Variants in BAZ2B observed in about 807,000 individuals in gnomAD.
BAZ2B encodes the protein bromodomain adjacent to zinc finger domain protein 2B.
Under a neutral mutation model 246.0 loss-of-function variants are expected in BAZ2B, and 91 were observed. The observed-to-expected ratio is 0.37, with a 90% CI of 0.31 to 0.44. The LOEUF is 0.44. Ranked by LOEUF, BAZ2B falls within the 20% of genes least tolerant of loss-of-function variation. The probability of loss-of-function intolerance (pLI) is 1.00; values close to 1 mark genes in which losing one functional copy is unlikely to be tolerated. For missense variants in BAZ2B, 2,332 were observed against 2,533.7 expected (o/e 0.92, Z 1.71); for synonymous variants, 855 against 860.0 (o/e 0.99, Z 0.10).
chr2:159,454,960 T>C (rs775649077), intron 3 of BAZ2B, among the ~76,000 whole-genome samples: 1 of 152,164 alleles, frequency 6.6e-6, no homozygotes, highest in Non-Finnish European at 1.5e-5. Context: ...AAAACTTTTC[T>C]AATACTTGGA....
the BAZ2B span, among the ~76,000 whole-genome samples, chr2:159,647,814 T>C: frequency 6.6e-6 from 1 of 152,202 alleles, no homozygotes; most frequent in Non-Finnish European, 1.5e-5. Flanking sequence ...TAATGATGTG[T>C]GGACTGAAGA....
At chr2:159,354,223 T>C (rs2149204669) in intron 27 of BAZ2B, among the ~76,000 whole-genome samples, 1 of 152,308 alleles carries the variant, frequency 6.6e-6, no homozygotes, top group African/African-American at 2.4e-5. Context: ...CTATTTTTAC[T>C]AGTTTGAGAC....
chr2:159,626,790 T>A, the BAZ2B span, among the ~76,000 whole-genome samples: 1 of 151,958 alleles, frequency 6.6e-6, no homozygotes, highest in Non-Finnish European at 1.5e-5. Flanking sequence ...ATTCAAAAGC[T>A]AGCAGAAGAC....
chr2:159,420,482 C>T (rs1284128186), intron 13 of BAZ2B, among the ~76,000 whole-genome samples: 1 of 152,026 alleles, frequency 6.6e-6, no homozygotes, highest in East Asian at 1.9e-4. Flanking sequence ...CAATTTTATG[C>T]TTTTTTTGGG....
At chr2:159,362,019 T>C (rs952495645) in intron 27 of BAZ2B, among the ~76,000 whole-genome samples, 9 of 152,064 alleles carry the variant, frequency 5.9e-5, no homozygotes, top group African/African-American at 2.2e-4. Flanking sequence ...GACGGGTTGA[T>C]GGGTGCAGCA....
At chr2:159,651,626 T>C in the BAZ2B span, among the ~76,000 whole-genome samples, 1 of 152,172 alleles carries the variant, frequency 6.6e-6, no homozygotes, top group Non-Finnish European at 1.5e-5. Context: ...AAATATATAA[T>C]TTAGTGCTTT....
intron 13 of BAZ2B, among the ~76,000 whole-genome samples, chr2:159,421,541 T>A (rs903415938): frequency 6.6e-6 from 1 of 152,190 alleles, no homozygotes; most frequent in African/African-American, 2.4e-5. Flanking sequence ...TTAAAGGTAA[T>A]AATTACATTG....
intron 2 of BAZ2B, among the ~76,000 whole-genome samples, chr2:159,512,538 GGTCTC>G (rs2083040020): frequency 6.6e-6 from 1 of 151,958 alleles, no homozygotes; most frequent in South Asian, 2.1e-4. Flanking sequence ...AAATAAAGAC[GGTCTC>G]TAAGCTGATA....
chr2:159,546,322 G>A (rs1257773958), intron 2 of BAZ2B, among the ~76,000 whole-genome samples: 4 of 151,658 alleles, frequency 2.6e-5, no homozygotes, highest in African/African-American at 9.7e-5. Flanking sequence ...GAGTTTCCTT[G>A]CACAAGCTTT....
At chr2:159,615,908 G>A (rs1243209387) in intron 1 of BAZ2B, 1 of 152,206 alleles carries the variant, frequency 6.6e-6, no homozygotes, top group African/African-American at 2.4e-5. Context: ...GTCCCGCACC[G>A]GCTTCTAGGA....
chr2:159,362,766 G>C (rs1212485193), intron 27 of BAZ2B, among the ~76,000 whole-genome samples: 1 of 152,154 alleles, frequency 6.6e-6, no homozygotes, highest in African/African-American at 2.4e-5. Flanking sequence ...TGGTAAAGAG[G>C]GTTTCCAGTG....
chr2:159,446,713 A>G (rs949116859), intron 6 of BAZ2B, 69 bp downstream of exon 6: 14 of 1,380,714 alleles, frequency 1.0e-5, no homozygotes, highest in Non-Finnish European at 1.3e-5. Flanking sequence ...GATTCTGTTG[A>G]TTTGACCTTC....
intron 2 of BAZ2B, among the ~76,000 whole-genome samples, chr2:159,501,200 T>TA (rs1559629838): frequency 1.9e-5 from 2 of 107,074 alleles, no homozygotes; most frequent in Non-Finnish European, 3.7e-5. Flanking sequence ...ATAATATATA[T>TA]ATTTTTATAT....
intron 1 of BAZ2B, among the ~76,000 whole-genome samples, chr2:159,564,194 C>A (rs922609317): frequency 6.6e-6 from 1 of 152,104 alleles, no homozygotes; most frequent in African/African-American, 2.4e-5. Context: ...CCAGATAGAA[C>A]AGAAGTGCCA....
At chr2:159,619,495 A>C (rs1338813687), upstream of BAZ2B, among the ~76,000 whole-genome samples, 1 of 151,490 alleles carries the variant, frequency 6.6e-6, no homozygotes, top group East Asian at 1.9e-4. Context: ...TGAAAGACTG[A>C]CATAGGTATC....
At chr2:159,693,460 T>C in the BAZ2B span, 7 of 135,220 alleles carry the variant, frequency 5.2e-5, no homozygotes, top group African/African-American at 8.1e-5. Flanking sequence ...GGTCTCACCC[T>C]GCCTCCCAGG....
intron 6 of BAZ2B, among the ~76,000 whole-genome samples, chr2:159,443,290 T>C (rs2073750458): frequency 6.6e-6 from 1 of 152,222 alleles, no homozygotes; most frequent in South Asian, 2.1e-4. Flanking sequence ...ACAGGCTGTA[T>C]ATTTTAGTCT....
At chr2:159,519,405 A>AT (rs1190461678) in intron 2 of BAZ2B, among the ~76,000 whole-genome samples, 1 of 141,092 alleles carries the variant, frequency 7.1e-6, no homozygotes, top group Non-Finnish European at 1.5e-5. Context: ...AATTTTTTGT[A>AT]TTTTTTAGTA....
At chr2:159,535,484 T>G (rs776598101) in intron 2 of BAZ2B, among the ~76,000 whole-genome samples, 14 of 152,206 alleles carry the variant, frequency 9.2e-5, no homozygotes, top group Non-Finnish European at 1.8e-4. Flanking sequence ...ATTGCGCCAT[T>G]GCACTTCAGC....
Sources: gnomAD v4.1 joint callset for allele counts (sites outside exome capture counted in the v4.1 genomes callset) on GRCh38, gnomAD v4.1.1 for gene constraint, MANE v1.5 for transcripts, NCBI Gene and HGNC (gene_info 2026-07-23, HGNC 2026-07-21) for gene names.